The following USP3 variants were observed in gnomAD, a reference collection of about 807,000 sequenced individuals.
USP3 encodes ubiquitin specific peptidase 3, also known as ubiquitin carboxyl-terminal hydrolase 3.
USP3 carries 20 observed loss-of-function variants against 72.3 expected under a neutral mutation model. The observed-to-expected ratio is 0.28, with a 90% CI of 0.19 to 0.40. The LOEUF (loss-of-function observed/expected upper bound fraction) is 0.40, where lower values mean the gene tolerates loss of function less well. Among genes scored for constraint, USP3 ranks in the 10% least tolerant of loss-of-function variants. The probability of loss-of-function intolerance (pLI) is 1.00; values close to 1 mark genes in which losing one functional copy is unlikely to be tolerated. For missense variants in USP3, 479 were observed against 633.9 expected (o/e 0.76, Z 2.62); for synonymous variants, 222 against 225.3 (o/e 0.99, Z 0.13).
intron 3 of USP3, among the ~76,000 whole-genome samples, chr15:63,547,605 G>GT (rs1405887374): frequency 1.3e-5 from 2 of 151,808 alleles, no homozygotes; most frequent in Admixed American, 1.3e-4. Context: ...TCGCTCATGC[G>GT]TGTAGTCACA....
At chr15:63,564,036 T>C (rs1354672208) in intron 8 of USP3, among the ~76,000 whole-genome samples, 30 of 152,160 alleles carry the variant, frequency 2.0e-4, no homozygotes, top group Admixed American at 2.0e-3. Context: ...GTCTTGACTT[T>C]AAGAAGGAAA....
chr15:63,528,198 C>T lies in USP3; in HGVS notation c.92-4449C>T, dbSNP rs2066013160. The T allele has an allele frequency of 6.6e-6, 1 of 152,188 alleles. No individual in the cohort carries two copies. The highest frequency in any genetic ancestry group is 1.5e-5 in the Non-Finnish European group (1 of 68,042). The allele number at this position is 152,188 out of a possible 1,614,324, so 9.4% of individuals were successfully genotyped here. A position where few individuals can be genotyped will look rare whatever the true frequency, so the allele number is the denominator to read the frequency against. On this transcript the variant is annotated intron_variant, in intron 1 of 14. Transcript: ENST00000380324. This position sits in a 1 kb window ranked among gnomAD's most constrained non-coding sequence, Gnocchi z 4.3. ...CACTGCAGTCAGGGTTGGAAGAATC[C>T]AAGTAAACCGAAGAAATTTGCTGGA...
chr15:63,572,453 T>TA (rs2066794576), intron 9 of USP3, among the ~76,000 whole-genome samples: 2 of 152,030 alleles, frequency 1.3e-5, no homozygotes, highest in Admixed American at 6.6e-5. Context: ...CACTAGGTCC[T>TA]ACAGCTCCCA....
chr15:63,556,561 G>A (rs141832356), intron 4 of USP3, 106 bp from the exon 5 acceptor site: 3 of 752,898 alleles, frequency 4.0e-6, no homozygotes, highest in Non-Finnish European at 6.2e-6. Flanking sequence ...CAGTCAGGGA[G>A]GTCTCCATGC....
intron 3 of USP3, among the ~76,000 whole-genome samples, chr15:63,548,444 G>C (rs2066386956): frequency 6.6e-6 from 1 of 152,030 alleles, no homozygotes; most frequent in Non-Finnish European, 1.5e-5. Context: ...TCCTGCCTCA[G>C]CTTCCCGAGT....
At chr15:63,535,962 G>A (rs1351630687) in intron 2 of USP3, among the ~76,000 whole-genome samples, 1 of 152,240 alleles carries the variant, frequency 6.6e-6, no homozygotes, top group Non-Finnish European at 1.5e-5. Context: ...ACTGGGAAAT[G>A]TTGCTTCTTA....
intron 7 of USP3, among the ~76,000 whole-genome samples, chr15:63,561,818 A>G (rs2066612342): frequency 6.6e-6 from 1 of 152,180 alleles, no homozygotes; most frequent in Admixed American, 6.5e-5. Context: ...TGTGATTGTG[A>G]GGGTTGAGAA....
At chr15:63,578,420 C>T (rs964889024) in intron 11 of USP3, among the ~76,000 whole-genome samples, 8 of 150,710 alleles carry the variant, frequency 5.3e-5, no homozygotes, top group Non-Finnish European at 1.2e-4. Flanking sequence ...CTGGCTAACA[C>T]GGTGAAACCC....
In USP3 at chr15:63,591,065, AGGTAGTT is replaced by A. The variant is rs1380260331; in HGVS notation, c.*241_*247del. ...TTAGTTGTAATAATTCAATTTTTAT[AGGTAGTT>A]GTAAGAACTTAGTCTTATTTGACTT... On this transcript the variant is annotated 3_prime_UTR_variant, in exon 15 of 15. Transcript: ENST00000380324. 4.0e-5 allele frequency: 17 copies of A among 422,784 alleles called. No individual in the cohort carries two copies. Among genetic ancestry groups the A allele is most frequent in the Non-Finnish European group, 7.0e-5 (17 of 244,184 alleles). The allele number at this position is 422,784 out of a possible 1,614,324, so 26.2% of individuals were successfully genotyped here.
In USP3 at chr15:63,591,005, C is replaced by T. The variant is rs117047171; in HGVS notation, c.*179C>T. Reference sequence around the variant, plus strand: ...ACCAACTAATTTTGTTGTTGTTCTACCAGAAAACCTCAGCAGATGTTTTGA... The same window carrying T: ...ACCAACTAATTTTGTTGTTGTTCTATCAGAAAACCTCAGCAGATGTTTTGA... On this transcript the variant is annotated 3_prime_UTR_variant, in exon 15 of 15. Coordinates refer to ENST00000380324, the MANE Select transcript of USP3 (RefSeq NM_006537.4). The T allele has an allele frequency of 1.4e-3, 923 of 678,838 alleles. 5 individuals are homozygous for T. In the East Asian group the frequency reaches 0.014, roughly 10 times the overall value. 42.1% of individuals were successfully genotyped at this position (678,838 alleles called of 1,614,324 possible).
intron 8 of USP3, among the ~76,000 whole-genome samples, chr15:63,563,560 C>T (rs1250997273): frequency 2.0e-5 from 3 of 151,578 alleles, no homozygotes; most frequent in Non-Finnish European, 2.9e-5. Flanking sequence ...CAAAATACAC[C>T]TCTGCTGTAC....
chr15:63,547,178 C>T (rs1453139336), intron 3 of USP3, among the ~76,000 whole-genome samples: 2 of 152,262 alleles, frequency 1.3e-5, no homozygotes, highest in East Asian at 3.9e-4. Flanking sequence ...GACAGGCACT[C>T]TCACCTTAGA....
intron 3 of USP3, among the ~76,000 whole-genome samples, chr15:63,549,931 A>C (rs890229769): frequency 4.8e-4 from 73 of 152,368 alleles, no homozygotes; most frequent in African/African-American, 1.7e-3. Context: ...TAATGTGGTC[A>C]TTAAATTCAC....
At chr15:63,518,926 C>A (rs760328053) in intron 1 of USP3, among the ~76,000 whole-genome samples, 1 of 152,044 alleles carries the variant, frequency 6.6e-6, no homozygotes. Flanking sequence ...CCACCACGCC[C>A]GGCTAATTTT....
chr15:63,536,407 G>A (rs2066156053), intron 2 of USP3, among the ~76,000 whole-genome samples: 1 of 150,640 alleles, frequency 6.6e-6, no homozygotes. Context: ...TTACTTAACA[G>A]AGCTTGTCTT....
At chr15:63,534,832 A>T (rs1184214983) in intron 2 of USP3, among the ~76,000 whole-genome samples, 1 of 152,170 alleles carries the variant, frequency 6.6e-6, no homozygotes, top group Non-Finnish European at 1.5e-5. Flanking sequence ...TTCATGGTTT[A>T]GTATTATAAA....
chr15:63,547,761 G>GGA (rs1180675814), intron 3 of USP3, among the ~76,000 whole-genome samples: 212 of 4,416 alleles, frequency 0.048, 24 homozygotes, highest in East Asian at 0.13. Context: ...AGGGAGGGAG[G>GGA]GAGAGAGAGA....
At chr15:63,557,269 T>C (rs1344042367) in intron 5 of USP3, among the ~76,000 whole-genome samples, 1 of 132,742 alleles carries the variant, frequency 7.5e-6, no homozygotes, top group Non-Finnish European at 1.6e-5. Context: ...TTTGTTTTTG[T>C]TTTTTTTTTT....
At chr15:63,504,898 G>A (rs1449179689) in intron 1 of USP3, 68 bp downstream of exon 1, 2 of 1,229,104 alleles carry the variant, frequency 1.6e-6, no homozygotes, top group East Asian at 7.1e-5. Context: ...CTGCCGTCTA[G>A]GGGCCGCAGG....
Sources: gnomAD v4.1 joint callset for allele counts (sites outside exome capture counted in the v4.1 genomes callset) on GRCh38, gnomAD v4.1.1 for gene constraint, Gnocchi (gnomAD v3.1) non-coding constraint, MANE v1.5 for transcripts, NCBI Gene and HGNC (gene_info 2026-07-23, HGNC 2026-07-21) for gene names.